Variants in PAK3 observed in about 807,000 individuals in gnomAD.
PAK3 encodes serine/threonine-protein kinase PAK 3.
PAK3 carries 4 observed loss-of-function variants against 41.0 expected under a neutral mutation model. The observed-to-expected ratio is 0.10, with a 90% CI of 0.05 to 0.22. The LOEUF (loss-of-function observed/expected upper bound fraction) is 0.22. Ranked by LOEUF, PAK3 falls within the 10% of genes least tolerant of loss-of-function variation. The pLI is 1.00. For synonymous variants in PAK3, 146 were observed against 139.6 expected, an observed-to-expected ratio of 1.05 and a Z score of -0.32; for missense variants, 205 against 409.9, an observed-to-expected ratio of 0.50 and a Z score of 4.32.
chrX:110,959,406 T>A (rs927030903), intron 1 of PAK3, among the ~76,000 whole-genome samples: 4 of 111,888 alleles, frequency 3.6e-5, no homozygotes, highest in African/African-American at 1.3e-4. Flanking sequence ...CTCTTTACAC[T>A]CTATCCTCTT....
chrX:111,039,117 T>C (rs977641997), intron 1 of PAK3, among the ~76,000 whole-genome samples: 2 of 112,401 alleles, frequency 1.8e-5, no homozygotes, highest in Non-Finnish European at 3.8e-5. Context: ...TCATTTACAC[T>C]TATGTTTTCT....
At chrX:110,954,530 G>T (rs1266608833) in intron 1 of PAK3, among the ~76,000 whole-genome samples, 1 of 111,674 alleles carries the variant, frequency 9.0e-6, no homozygotes, top group Non-Finnish European at 1.9e-5. Context: ...CTACTATTAA[G>T]GGCTTCCTGT....
At chrX:111,157,009 T>C (rs1050473289) in intron 8 of PAK3, among the ~76,000 whole-genome samples, 1 of 112,227 alleles carries the variant, frequency 8.9e-6, no homozygotes, top group Admixed American at 9.4e-5. Context: ...CCATTATCTA[T>C]GCTTAGAGCA....
chrX:110,970,729 G>A (rs764994890), intron 1 of PAK3, among the ~76,000 whole-genome samples: 5 of 111,842 alleles, frequency 4.5e-5, no homozygotes, highest in South Asian at 3.8e-4. Context: ...AAACCTGTAC[G>A]TTCTGCAAAT....
intron 1 of PAK3, among the ~76,000 whole-genome samples, chrX:111,082,252 G>A (rs2092840953): frequency 9.0e-6 from 1 of 111,293 alleles, no homozygotes; most frequent in African/African-American, 3.3e-5. Flanking sequence ...GACTGTTCCT[G>A]ACAACTATTA....
intron 11 of PAK3, among the ~76,000 whole-genome samples, chrX:111,173,560 G>A (rs2094371646): frequency 9.0e-6 from 1 of 110,881 alleles, no homozygotes; most frequent in Non-Finnish European, 1.9e-5. Context: ...TGAGTATGGA[G>A]GAAACAGACA....
chrX:111,053,350 C>T (rs954890800), intron 1 of PAK3, among the ~76,000 whole-genome samples: 2 of 111,335 alleles, frequency 1.8e-5, no homozygotes, highest in South Asian at 7.6e-4. Flanking sequence ...TTGATGTCTT[C>T]CAGGACACAA....
At chrX:111,191,149 A>C (rs2094557156) in intron 11 of PAK3, among the ~76,000 whole-genome samples, 2 of 112,095 alleles carry the variant, frequency 1.8e-5, no homozygotes, top group African/African-American at 6.5e-5. Flanking sequence ...ACCAGGCTGG[A>C]GTGCAGTGGC....
At chrX:111,207,407 C>T (rs2094765777) in intron 16 of PAK3, among the ~76,000 whole-genome samples, 1 of 111,055 alleles carries the variant, frequency 9.0e-6, no homozygotes, top group African/African-American at 3.3e-5. Context: ...TAAAGTATGA[C>T]AACTACAGTC....
intron 1 of PAK3, among the ~76,000 whole-genome samples, chrX:111,079,687 A>C (rs979409269): frequency 1.8e-5 from 2 of 112,529 alleles, no homozygotes; most frequent in African/African-American, 6.4e-5. Context: ...ACATTTTATA[A>C]GGTTATAACT....
intron 5 of PAK3, among the ~76,000 whole-genome samples, chrX:111,138,206 C>T (rs2093819544): frequency 1.8e-5 from 2 of 110,507 alleles, no homozygotes; most frequent in South Asian, 7.8e-4. Context: ...TCCCACTTAT[C>T]TATAAAACAA....
chrX:111,115,011 T>C (rs186612607), intron 4 of PAK3, among the ~76,000 whole-genome samples: 1 of 112,301 alleles, frequency 8.9e-6, no homozygotes, highest in African/African-American at 3.2e-5. Context: ...GGCTGGGCCC[T>C]GTGATCTCAG....
intron 3 of PAK3, among the ~76,000 whole-genome samples, chrX:111,101,711 C>T (rs1389630551): frequency 1.8e-5 from 2 of 111,747 alleles, no homozygotes; most frequent in Non-Finnish European, 3.8e-5. Flanking sequence ...CTCACCCCAC[C>T]CTCTTGCAGG....
chrX:111,078,272 T>G (rs80270197), intron 1 of PAK3, among the ~76,000 whole-genome samples: 1 of 101,857 alleles, frequency 9.8e-6, no homozygotes, highest in Non-Finnish European at 2.0e-5. Flanking sequence ...TTTTGTTTTG[T>G]TTTTTTTTTT....
chrX:111,084,300 G>T (rs1450205110), intron 1 of PAK3, among the ~76,000 whole-genome samples: 2 of 112,620 alleles, frequency 1.8e-5, no homozygotes, highest in Non-Finnish European at 3.7e-5. Flanking sequence ...GACGTGAATT[G>T]TAGGGAAACT....
At chrX:111,219,307 A>G (rs1316806836) in intron 17 of PAK3, among the ~76,000 whole-genome samples, 1 of 109,911 alleles carries the variant, frequency 9.1e-6, no homozygotes, top group East Asian at 2.8e-4. Flanking sequence ...AACATAAAGA[A>G]GAGGAAGACA....
intron 1 of PAK3, among the ~76,000 whole-genome samples, chrX:111,030,961 G>A (rs143492869): frequency 0.028 from 3,143 of 111,058 alleles, 103 homozygotes; most frequent in African/African-American, 0.095. Flanking sequence ...TTTGGCAACT[G>A]GCGAACAACT....
At chrX:111,159,367 G>A (rs2094143225) in intron 8 of PAK3, among the ~76,000 whole-genome samples, 1 of 110,874 alleles carries the variant, frequency 9.0e-6, no homozygotes, top group South Asian at 3.8e-4. Flanking sequence ...TGGCTTTTTG[G>A]AGCTGATGAT....
chrX:111,156,996 G>A (rs778639139), intron 8 of PAK3, among the ~76,000 whole-genome samples: 1 of 111,960 alleles, frequency 8.9e-6, no homozygotes, highest in Admixed American at 9.5e-5. Context: ...CATATTGAAC[G>A]TGCCATTATC....
Sources: gnomAD v4.1 joint callset for allele counts (sites outside exome capture counted in the v4.1 genomes callset) on GRCh38, gnomAD v4.1.1 for gene constraint, MANE v1.5 for transcripts, NCBI Gene and HGNC (gene_info 2026-07-23, HGNC 2026-07-21) for gene names.